E2F5: variants seen among roughly 807,000 people sequenced by gnomAD.
E2F5 encodes the protein transcription factor E2F5.
A neutral mutation model predicts 39.1 loss-of-function variants in E2F5; 23 were observed. The ratio of observed to expected loss-of-function variants is 0.59; its 90% CI spans 0.42 to 0.83. The LOEUF (loss-of-function observed/expected upper bound fraction) is 0.83. Ranked by LOEUF, E2F5 falls within the 40% of genes least tolerant of loss-of-function variation. The pLI, the probability that E2F5 is intolerant of heterozygous loss-of-function variation, is 0.00. For synonymous variants in E2F5, 145 were observed against 157.8 expected, an observed-to-expected ratio of 0.92 and a Z score of 0.61; for missense variants, 365 against 406.7, an observed-to-expected ratio of 0.90 and a Z score of 0.88.
rs1812104565 is a variant in E2F5, at chr8:85,177,380, G to GA, written c.-38dup. 1.0e-6 allele frequency: 1 copy of GA among 987,004 alleles called. No homozygotes were observed. The highest frequency in any genetic ancestry group is 4.7e-5 in the South Asian group (1 of 21,486). The allele number at this position is 987,004 out of a possible 1,614,324, so 61.1% of individuals were successfully genotyped here. A position where few individuals can be genotyped will look rare whatever the true frequency, so the allele number is the denominator to read the frequency against. ...GTGGCCGCGGGCGGGGCCGGCGAGC[G>GA]AAAGTGCGCGGGGGCCCGACCACCG... On this transcript the variant is annotated 5_prime_UTR_variant, in exon 1 of 8. Coordinates refer to ENST00000416274, the MANE Select transcript of E2F5 (RefSeq NM_001951.4).
intron 5 of E2F5, among the ~76,000 whole-genome samples, chr8:85,208,624 G>C (rs763803985): frequency 8.4e-4 from 128 of 152,236 alleles, no homozygotes; most frequent in Non-Finnish European, 1.6e-3. Context: ...TTACATTTAG[G>C]CATTTGTATT....
intron 1 of E2F5, among the ~76,000 whole-genome samples, chr8:85,191,348 T>G (rs1163131657): frequency 6.6e-6 from 1 of 152,150 alleles, no homozygotes; most frequent in Non-Finnish European, 1.5e-5. Context: ...ATTTGAGAGA[T>G]CTAATGCACA....
At chr8:85,199,688 A>G (rs900818391) in intron 1 of E2F5, among the ~76,000 whole-genome samples, 3 of 152,244 alleles carry the variant, frequency 2.0e-5, no homozygotes, top group Non-Finnish European at 4.4e-5. Context: ...ACTTTAACCA[A>G]TCTTAAACAC....
chr8:85,189,660 C>T (rs532357461), intron 1 of E2F5, among the ~76,000 whole-genome samples: 1 of 152,200 alleles, frequency 6.6e-6, no homozygotes, highest in Non-Finnish European at 1.5e-5. Context: ...TGAGCCACTG[C>T]ACCCAACCTC....
At chr8:85,202,326 C>T in intron 2 of E2F5, 70 bp downstream of exon 2, 1 of 1,151,332 alleles carries the variant, frequency 8.7e-7, no homozygotes. Context: ...TTTGACCTTC[C>T]CAATGTTTCT....
intron 1 of E2F5, among the ~76,000 whole-genome samples, chr8:85,191,156 C>T (rs749393718): frequency 7.9e-5 from 12 of 152,062 alleles, no homozygotes; most frequent in East Asian, 1.9e-4. Context: ...CAGTTTTTGA[C>T]GCCATAGAAG....
At chr8:85,194,051 T>G (rs1354013283) in intron 1 of E2F5, among the ~76,000 whole-genome samples, 2 of 152,192 alleles carry the variant, frequency 1.3e-5, no homozygotes, top group Non-Finnish European at 2.9e-5. Context: ...TTTTTGTTTT[T>G]GTGAGTTCTA....
Position 85,202,155 on chromosome 8 carries a change from T to A in E2F5, c.243T>A (p.Asp81Glu), listed in dbSNP as rs1272861020. Reference sequence around the variant, plus strand: ...TTGTCTTTCCTGAACAGGCTGCTGATACTTTGGCTGTGAGGCAAAAAAGGA... The same window carrying A: ...TTGTCTTTCCTGAACAGGCTGCTGAAACTTTGGCTGTGAGGCAAAAAAGGA... ...DGVLDLKAAA[D>E]TLAVRQKRRI... Residue 81 changes from aspartate (D) to glutamate (E), a missense_variant, in exon 2 of 8, where the codon GAT becomes GAA. Transcript: ENST00000416274. 2 of 1,612,666 alleles carry A rather than the reference T, an allele frequency of 1.2e-6. No individual in the cohort carries two copies. The highest frequency in any genetic ancestry group is 1.3e-5 in the African/African-American group (1 of 75,006).
intron 1 of E2F5, among the ~76,000 whole-genome samples, chr8:85,179,269 A>T (rs745835364): frequency 1.3e-4 from 20 of 152,210 alleles, no homozygotes; most frequent in Non-Finnish European, 2.8e-4. Context: ...GGGGTTTTCC[A>T]GGTAAAACTG....
At chr8:85,178,858 G>A (rs906179272) in intron 1 of E2F5, among the ~76,000 whole-genome samples, 2 of 152,212 alleles carry the variant, frequency 1.3e-5, no homozygotes, top group Non-Finnish European at 2.9e-5. Flanking sequence ...CCTGGATGTA[G>A]TTGGTGTTCA....
intron 1 of E2F5, among the ~76,000 whole-genome samples, chr8:85,182,880 G>A (rs766227638): frequency 1.3e-5 from 2 of 152,168 alleles, no homozygotes; most frequent in African/African-American, 2.4e-5. Flanking sequence ...AGTATGGTGC[G>A]TCTTATCTGA....
chr8:85,182,981 G>A (rs1223628948), intron 1 of E2F5, among the ~76,000 whole-genome samples: 1 of 152,200 alleles, frequency 6.6e-6, no homozygotes, highest in African/African-American at 2.4e-5. Flanking sequence ...GCCGGGCCCG[G>A]TGGTTCACGC....
chr8:85,182,518 A>G (rs1812242680), intron 1 of E2F5, among the ~76,000 whole-genome samples: 2 of 152,242 alleles, frequency 1.3e-5, no homozygotes, highest in Admixed American at 1.3e-4. Flanking sequence ...AAGGGCATGG[A>G]AAAATGCATG....
At position 85,177,403 on chromosome 8, in the gene E2F5, C is replaced by A. The variant is rs1812105342; in HGVS notation, c.-18C>A. 2.0e-6 allele frequency: 2 copies of A among 987,518 alleles called. No individual in the cohort carries two copies. Among genetic ancestry groups the A allele is most frequent in the East Asian group, 2.2e-4 (2 of 8,924 alleles). 61.2% of individuals were successfully genotyped at this position (987,518 alleles called of 1,614,324 possible). ...GCGAAAGTGCGCGGGGGCCCGACCA[C>A]CGCGGGGCCGGGACGCGATGGCGGC... On this transcript the variant is annotated 5_prime_UTR_variant, in exon 1 of 8. Coordinates refer to ENST00000416274, the MANE Select transcript of E2F5 (RefSeq NM_001951.4).
At chr8:85,208,086 T>C (rs982022172) in intron 5 of E2F5, among the ~76,000 whole-genome samples, 1 of 152,202 alleles carries the variant, frequency 6.6e-6, no homozygotes, top group African/African-American at 2.4e-5. Context: ...CTCAGCACTT[T>C]GGGAGGCCAA....
At chr8:85,209,487 T>A in intron 6 of E2F5, 78 bp downstream of exon 6, 1 of 1,471,102 alleles carries the variant, frequency 6.8e-7, no homozygotes, top group Non-Finnish European at 9.0e-7. Context: ...CCAAAGTGCT[T>A]GTGACCAGAA....
At chr8:85,212,685 T>C (rs1008771245) in intron 7 of E2F5, 2 of 152,450 alleles carry the variant, frequency 1.3e-5, no homozygotes, top group African/African-American at 2.4e-5. Flanking sequence ...TTTCTCTCCT[T>C]CTGTAAGTTC....
chr8:85,187,708 T>A (rs78517574), intron 1 of E2F5: 1 of 152,310 alleles, frequency 6.6e-6, no homozygotes, highest in East Asian at 1.9e-4. Context: ...ATAGGCAGCA[T>A]AAGTTGAGTG....
chr8:85,177,525 G>T lies in E2F5; in HGVS notation c.105G>T (p.Pro35=). 8.7e-7 allele frequency: 1 copy of T among 1,148,362 alleles called. No individual in the cohort carries two copies. Among genetic ancestry groups the T allele is most frequent in the Non-Finnish European group, 1.1e-6 (1 of 935,024 alleles). 71.1% of individuals were successfully genotyped at this position (1,148,362 alleles called of 1,614,324 possible). Residue 35 remains proline (P), a synonymous_variant, in exon 1 of 8, where the codon CCG becomes CCT. Coordinates refer to ENST00000416274, the MANE Select transcript of E2F5 (RefSeq NM_001951.4). The stretch of plus-strand genomic sequence containing the variant: ...CTCCGCAGGCGCAAGCCCCGCAGCC[G>T]CCCCCGCCGCCGCAGCTCGGGGGCG... ...PQPPQAQAPQ[P]PPPPQLGGAG...
Sources: allele counts gnomAD v4.1 joint callset (sites outside exome capture counted in the v4.1 genomes callset), GRCh38; gene constraint gnomAD v4.1.1; transcripts MANE v1.5; gene names NCBI Gene and HGNC (gene_info 2026-07-23, HGNC 2026-07-21).